The following TRMU variants were observed in gnomAD, a reference collection of about 807,000 sequenced individuals.
TRMU encodes the protein mitochondrial tRNA-specific 2-thiouridylase 1.
In TRMU, 49 loss-of-function variants were observed where a neutral mutation model predicts 46.9. That is an observed-to-expected ratio of 1.05 (90% CI 0.83 to 1.33). The LOEUF (loss-of-function observed/expected upper bound fraction) is 1.33, where lower values mean the gene tolerates loss of function less well. Among genes scored for constraint, TRMU ranks in the 40% most tolerant of loss-of-function variants. The pLI, the probability that TRMU is intolerant of heterozygous loss-of-function variation, is 0.00. For missense variants in TRMU, 572 were observed against 532.4 expected (o/e 1.07, Z -0.73); for synonymous variants, 241 against 200.9 (o/e 1.20, Z -1.69).
intron 10 of TRMU, chr22:46,356,394 C>A (rs112762395): frequency 8.7e-5 from 39 of 448,050 alleles, no homozygotes; most frequent in African/African-American, 7.3e-4. Flanking sequence ...AGGGTCGGGG[C>A]CCCTGTGGGC....
intron 3 of TRMU, 90 bp from the exon 4 acceptor site, chr22:46,346,332 T>C: frequency 6.6e-7 from 1 of 1,520,640 alleles, no homozygotes; most frequent in Non-Finnish European, 8.9e-7. Flanking sequence ...ACTTGGGGTC[T>C]ATACTCTTCT....
In TRMU at chr22:46,352,113, C is replaced by T; in HGVS notation, c.652-8C>T. Reference sequence around the variant, plus strand: ...GCTCCTCTCACGGCTGCCGTCTTCTCATTTCAGAGCATGGGCATGTGTTTC... The same window carrying T: ...GCTCCTCTCACGGCTGCCGTCTTCTTATTTCAGAGCATGGGCATGTGTTTC... On this transcript the variant is annotated splice_region_variant and splice_polypyrimidine_tract_variant and intron_variant, in intron 5 of 10. Coordinates refer to ENST00000645190, the MANE Select transcript of TRMU (RefSeq NM_018006.5). 2 of 1,612,932 alleles carry T rather than the reference C, an allele frequency of 1.2e-6. No homozygotes were observed. Among genetic ancestry groups the T allele is most frequent in the Non-Finnish European group, 8.5e-7 (1 of 1,180,030 alleles).
Position 46,355,709 on chromosome 22 carries a change from A to G in TRMU, c.1018+121A>G. 2.6e-6 allele frequency: 4 copies of G among 1,517,908 alleles called. No individual in the cohort carries two copies. In the South Asian group the frequency reaches 4.6e-5, roughly 18 times the overall value. 94.0% of individuals were successfully genotyped at this position (1,517,908 alleles called of 1,614,324 possible). On this transcript the variant is annotated intron_variant, in intron 9 of 10. Coordinates refer to ENST00000645190, the MANE Select transcript of TRMU (RefSeq NM_018006.5). Reference sequence around the variant, plus strand: ...GTCCCGTTGTGGAGATCATTTGGAGATTACCTAAAGTATTTAGAACTCCCG... The same window carrying G: ...GTCCCGTTGTGGAGATCATTTGGAGGTTACCTAAAGTATTTAGAACTCCCG...
chr22:46,356,829 C>T lies in TRMU; in HGVS notation c.1102-13C>T. ...CCTGTGGCACCCCTGATGCCAGGGT[C>T]TCTCCCCTACAGTTTGCTGTGTTCT... On this transcript the variant is annotated splice_polypyrimidine_tract_variant and intron_variant, in intron 10 of 10. Transcript: ENST00000645190. 6.2e-7 allele frequency: 1 copy of T among 1,612,702 alleles called. No individual in the cohort carries two copies. Among genetic ancestry groups the T allele is most frequent in the Non-Finnish European group, 8.5e-7 (1 of 1,179,596 alleles).
chr22:46,356,786 C>T lies in TRMU; in HGVS notation c.1102-56C>T, dbSNP rs1271099341. 9 of 1,604,192 alleles carry T rather than the reference C, an allele frequency of 5.6e-6. No homozygotes were observed. The South Asian group carries it at 6.6e-5, about 12-fold the overall frequency. On this transcript the variant is annotated intron_variant, in intron 10 of 10. Coordinates refer to ENST00000645190, the MANE Select transcript of TRMU (RefSeq NM_018006.5). The stretch of plus-strand genomic sequence containing the variant: ...CCCATAGGGGAGCACTCTGCCCCTG[C>T]CTGCCCTCGGCTGGCTCCCTGTGGC...
At chr22:46,341,262 CATTT>C (rs1395870237) in intron 2 of TRMU, among the ~76,000 whole-genome samples, 1 of 152,230 alleles carries the variant, frequency 6.6e-6, no homozygotes, top group Non-Finnish European at 1.5e-5. Flanking sequence ...GCCTCTTCAA[CATTT>C]ATTGATGACT....
At chr22:46,353,661 C>CT (rs2078505054) in intron 7 of TRMU, 106 bp from the exon 8 acceptor site, 1 of 1,011,732 alleles carries the variant, frequency 9.9e-7, no homozygotes, top group Admixed American at 1.7e-5. Context: ...TACACCATTG[C>CT]TGGGCCTGCT....
chr22:46,344,562 G>A (rs1028861431), intron 3 of TRMU, among the ~76,000 whole-genome samples: 13 of 152,312 alleles, frequency 8.5e-5, no homozygotes, highest in Admixed American at 5.9e-4. Flanking sequence ...AGGTGGAGGC[G>A]CAGGCAGCTG....
At chr22:46,355,678 A>G (rs2078582014) in intron 9 of TRMU, 90 bp downstream of exon 9, 6 of 1,596,666 alleles carry the variant, frequency 3.8e-6, no homozygotes, top group Middle Eastern at 1.7e-4. Context: ...ACCCTGGGGT[A>G]GGAAAGTCCC....
At position 46,350,877 on chromosome 22, in the gene TRMU, C is replaced by T. The variant is rs116527821; in HGVS notation, c.651+414C>T. 0.013 allele frequency among the ~76,000 whole-genome samples: 1,973 copies of T among 152,334 alleles called. 44 individuals are homozygous for T. Among genetic ancestry groups the T allele is most frequent in the African/African-American group, 0.046 (1,898 of 41,560 alleles). On this transcript the variant is annotated intron_variant, in intron 5 of 10. Coordinates refer to ENST00000645190, the MANE Select transcript of TRMU (RefSeq NM_018006.5). The surrounding 1 kb of genome is among the most constrained non-coding windows in gnomAD (Gnocchi z 4.6). ...CCCGCTTGCCCGGCACAGACTCGTT[C>T]GGTGCCATCTGTTCGGGCGCTGTGC...
At chr22:46,352,070 T>A (rs780530061) in intron 5 of TRMU, 51 bp from the exon 6 acceptor site, 194 of 1,603,658 alleles carry the variant, frequency 1.2e-4, no homozygotes, top group Non-Finnish European at 1.6e-4. Context: ...GGGTACAGCT[T>A]GGGCCACCGC....
intron 10 of TRMU, 64 bp downstream of exon 10, chr22:46,356,136 C>A: frequency 6.3e-7 from 1 of 1,583,796 alleles, no homozygotes; most frequent in Non-Finnish European, 8.7e-7. Flanking sequence ...CCAGGGCACC[C>A]GGGTTACAGA....
Position 46,355,315 on chromosome 22 carries a change from C to T in TRMU, c.874-129C>T, listed in dbSNP as rs75292658. The stretch of plus-strand genomic sequence containing the variant: ...ATGAATTTCTGTGGGTAGAACACTT[C>T]GAGCGGTGCCAGCACCGTTACCTGT... On this transcript the variant is annotated intron_variant, in intron 8 of 10. Coordinates refer to ENST00000645190, the MANE Select transcript of TRMU (RefSeq NM_018006.5). The T allele has an allele frequency of 0.023, 31,310 of 1,387,218 alleles. 409 individuals are homozygous for T. The highest frequency in any genetic ancestry group is 0.028 in the Non-Finnish European group (28,596 of 1,014,010). The allele number at this position is 1,387,218 out of a possible 1,614,324, so 85.9% of individuals were successfully genotyped here.
At chr22:46,343,214 T>G in intron 2 of TRMU, 48 bp from the exon 3 acceptor site, 2 of 1,308,238 alleles carry the variant, frequency 1.5e-6, no homozygotes, top group Non-Finnish European at 2.2e-6. Context: ...TTTTTTTTTT[T>G]GAGGAATGTT....
At position 46,339,797 on chromosome 22, in the gene TRMU, A is replaced by G. The variant is rs1053729054; in HGVS notation, c.248+1853A>G. Among the ~76,000 whole-genome samples, 1 of 152,208 alleles carries G rather than the reference A, an allele frequency of 6.6e-6. No individual in the cohort carries two copies. The highest frequency in any genetic ancestry group is 1.5e-5 in the Non-Finnish European group (1 of 68,036). The stretch of plus-strand genomic sequence containing the variant: ...GCTATAACATATGGGTGTCGTATAT[A>G]TTAACAACATGGACAAAACTGATGG... On this transcript the variant is annotated intron_variant, in intron 2 of 10. Coordinates refer to ENST00000645190, the MANE Select transcript of TRMU (RefSeq NM_018006.5). The surrounding 1 kb of genome is among the most constrained non-coding windows in gnomAD (Gnocchi z 4.8).
intron 8 of TRMU, 120 bp downstream of exon 8, chr22:46,353,987 T>C: frequency 2.3e-6 from 2 of 871,258 alleles, no homozygotes; most frequent in Non-Finnish European, 3.8e-6. Flanking sequence ...TGTGACTAAC[T>C]CTGTTCCTGT....
At position 46,342,579 on chromosome 22, in the gene TRMU, G is replaced by A. The variant is rs928023555; in HGVS notation, c.249-683G>A. Among the ~76,000 whole-genome samples the A allele has an allele frequency of 6.6e-6, 1 of 152,240 alleles. No individual in the cohort carries two copies. Among genetic ancestry groups the A allele is most frequent in the Admixed American group, 6.5e-5 (1 of 15,290 alleles). ...CGCTTGTAATCCTAGCACTTTAGGA[G>A]GCTGAGGCAGGAGACTTGCTTGAGG... On this transcript the variant is annotated intron_variant, in intron 2 of 10. Transcript: ENST00000645190. This position sits in a 1 kb window ranked among gnomAD's most constrained non-coding sequence, Gnocchi z 4.7.
chr22:46,344,540 AAG>A (rs1268184749), intron 3 of TRMU, among the ~76,000 whole-genome samples: 1 of 152,204 alleles, frequency 6.6e-6, no homozygotes, highest in Non-Finnish European at 1.5e-5. Flanking sequence ...TGGCAGGAGA[AAG>A]AGTTCCCTGA....
chr22:46,352,564 C>T (rs1002350643), intron 7 of TRMU: 53 of 605,152 alleles, frequency 8.8e-5, no homozygotes, highest in Non-Finnish European at 1.2e-4. Flanking sequence ...ATGAAAAGCG[C>T]GCCTCTGACT....
Sources: gnomAD v4.1 joint callset for allele counts (sites outside exome capture counted in the v4.1 genomes callset) on GRCh38, gnomAD v4.1.1 for gene constraint, Gnocchi (gnomAD v3.1) non-coding constraint, MANE v1.5 for transcripts, NCBI Gene and HGNC (gene_info 2026-07-23, HGNC 2026-07-21) for gene names.